Variants in WFS1 observed in about 807,000 individuals in gnomAD.
WFS1 encodes wolframin.
A neutral mutation model predicts 68.5 loss-of-function variants in WFS1; 90 were observed. That is an observed-to-expected ratio of 1.31 (90% CI 1.11 to 1.56). The LOEUF (loss-of-function observed/expected upper bound fraction) is 1.56, where lower values mean the gene tolerates loss of function less well. Ranked by LOEUF, WFS1 falls within the 40% of genes most tolerant of loss-of-function variation. The pLI, the probability that WFS1 is intolerant of heterozygous loss-of-function variation, is 0.00. For synonymous variants in WFS1, 860 were observed against 540.7 expected (o/e 1.59, Z -8.19); for missense variants, 1,767 against 1,232.6 (o/e 1.43, Z -6.49).
In WFS1 at chr4:6,277,654, C is replaced by G; in HGVS notation, c.199C>G (p.His67Asp). Residue 67 changes from histidine (H) to aspartate (D), a missense_variant, in exon 2 of 8, where the codon CAT (histidine) becomes GAT (aspartate). Transcript: ENST00000226760. ...GGCCCCCGCTGAACCCCAGGCCCAGCATACCAGGAGCCGGGAAAGAGCAGA... is the reference window on the plus strand; with the variant it reads ...GGCCCCCGCTGAACCCCAGGCCCAGGATACCAGGAGCCGGGAAAGAGCAGA... ...AAAPAEPQAQHTRSRERADGT... is the reference protein window; with the variant it reads ...AAAPAEPQAQDTRSRERADGT... The G allele has an allele frequency of 6.4e-7, 1 of 1,565,734 alleles. No homozygotes were observed. The highest frequency in any genetic ancestry group is 1.2e-5 in the South Asian group (1 of 85,170).
intron 7 of WFS1, among the ~76,000 whole-genome samples, chr4:6,298,581 TA>T (rs772741788): frequency 1.3e-5 from 2 of 149,988 alleles, no homozygotes; most frequent in African/African-American, 5.1e-5. Context: ...CACACACTCC[TA>T]AACACTTCCG....
intron 7 of WFS1, among the ~76,000 whole-genome samples, chr4:6,296,457 C>A (rs1401102720): frequency 6.6e-6 from 1 of 152,224 alleles, no homozygotes; most frequent in Non-Finnish European, 1.5e-5. Context: ...AGACATGGGC[C>A]AGGATGGCCA....
intron 6 of WFS1, among the ~76,000 whole-genome samples, chr4:6,293,601 T>G (rs901464993): frequency 3.9e-5 from 6 of 152,164 alleles, no homozygotes; most frequent in Non-Finnish European, 8.8e-5. Context: ...ATGACTGCTC[T>G]TCTCCTTAGA....
At chr4:6,284,966 G>T (rs1326126625) in intron 2 of WFS1, among the ~76,000 whole-genome samples, 3 of 151,378 alleles carry the variant, frequency 2.0e-5, no homozygotes, top group Non-Finnish European at 4.4e-5. Context: ...AAACCACGCT[G>T]GGGGGCTGGC....
chr4:6,289,991 T>C (rs1247531871), intron 4 of WFS1, among the ~76,000 whole-genome samples: 1 of 152,202 alleles, frequency 6.6e-6, no homozygotes, highest in South Asian at 2.1e-4. Context: ...CAGGCTAGAG[T>C]GCAGGGGTGC....
intron 3 of WFS1, among the ~76,000 whole-genome samples, chr4:6,288,182 G>A (rs561143164): frequency 9.7e-5 from 14 of 144,218 alleles, no homozygotes; most frequent in African/African-American, 3.4e-4. Flanking sequence ...GCACCACCAC[G>A]CTCCCAACTG....
chr4:6,302,857 A>C lies in WFS1; in HGVS notation c.*389A>C. ...TCTTTTGTGTTGGATTTGTTTAAAA[A>C]CCAAATAAGCATCTGTGTAACCTCC... On this transcript the variant is annotated 3_prime_UTR_variant, in exon 8 of 8. Coordinates refer to ENST00000226760, the MANE Select transcript of WFS1 (RefSeq NM_006005.3). 3.3e-6 allele frequency: 1 copy of C among 299,906 alleles called. No individual in the cohort carries two copies. The highest frequency in any genetic ancestry group is 6.3e-6 in the Non-Finnish European group (1 of 158,926). The allele number at this position is 299,906 out of a possible 1,614,324, so 18.6% of individuals were successfully genotyped here.
intron 7 of WFS1, among the ~76,000 whole-genome samples, chr4:6,296,529 C>A (rs1483451986): frequency 6.6e-6 from 1 of 152,222 alleles, no homozygotes; most frequent in South Asian, 2.1e-4. Flanking sequence ...TGGCCCTAGG[C>A]AAGCATATTC....
At chr4:6,294,742 G>C in intron 6 of WFS1, 1 of 429,188 alleles carries the variant, frequency 2.3e-6, no homozygotes, top group Non-Finnish European at 4.4e-6. Flanking sequence ...GAAAGGTGTG[G>C]GTGAGTGGCC....
At position 6,301,068 on chromosome 4, in the gene WFS1, G is replaced by C. The variant is rs138042354; in HGVS notation, c.1273G>C (p.Asp425His). 1 of 1,614,100 alleles carries C rather than the reference G, an allele frequency of 6.2e-7. No homozygotes were observed. Among genetic ancestry groups the C allele is most frequent in the South Asian group, 1.1e-5 (1 of 91,074 alleles). ...VIFSFPIASK[D>H]CIPCSELAVI... ...CTTCTCCTTCCCCATCGCCAGCAAG[G>C]ACTGCATCCCCTGCTCGGAGCTGGC... The change falls in exon 8 of 8, where the codon GAC (aspartate) becomes CAC (histidine). Residue 425 changes from aspartate to histidine, a missense_variant. Physicochemically the swap from Asp to His is moderately conservative, Grantham distance 81. Transcript: ENST00000226760.
At chr4:6,280,926 C>T (rs1011981645) in intron 2 of WFS1, among the ~76,000 whole-genome samples, 1 of 152,222 alleles carries the variant, frequency 6.6e-6, no homozygotes, top group East Asian at 1.9e-4. Flanking sequence ...ACTCTCATCT[C>T]TACAAGTCTC....
intron 1 of WFS1, among the ~76,000 whole-genome samples, chr4:6,271,419 G>C (rs1433869202): frequency 6.6e-6 from 1 of 152,184 alleles, no homozygotes; most frequent in South Asian, 2.1e-4. Flanking sequence ...CAGGCTTCTG[G>C]GGCTGGTCAC....
rs1314259239 is a variant in WFS1 at position 6,287,445 on chromosome 4, ACCT to A, written c.315+274_315+276del. 4.6e-5 allele frequency among the ~76,000 whole-genome samples: 7 copies of A among 151,756 alleles called. No homozygotes were observed. Among genetic ancestry groups the A allele is most frequent in the African/African-American group, 1.7e-4 (7 of 41,280 alleles). On this transcript the variant is annotated intron_variant, in intron 3 of 7. Coordinates refer to ENST00000226760, the MANE Select transcript of WFS1 (RefSeq NM_006005.3). This position sits in a 1 kb window ranked among gnomAD's most constrained non-coding sequence, Gnocchi z 6.4. ...CTTGGGCATCACCTCCTCCAGGATG[ACCT>A]CCTGGCTTCCTGCAGCTGCCTGCTC... is the stretch of plus-strand genomic sequence containing the variant.
Position 6,288,985 on chromosome 4 carries a change from A to G in WFS1, c.316-2A>G. The stretch of plus-strand genomic sequence containing the variant: ...GGAGGCTGACTGGTGTCTGGCTTGC[A>G]GGTGGGGAAGCACTACCTGCAGTTG... On this transcript the variant is annotated splice_acceptor_variant, in intron 3 of 7. Transcript: ENST00000226760. LOFTEE classifies it high-confidence loss of function. The G allele has an allele frequency of 1.2e-6, 2 of 1,607,886 alleles. No homozygotes were observed. The highest frequency in any genetic ancestry group is 1.7e-6 in the Non-Finnish European group (2 of 1,177,682).
At chr4:6,270,512 G>T (rs1239743397) in intron 1 of WFS1, among the ~76,000 whole-genome samples, 1 of 152,080 alleles carries the variant, frequency 6.6e-6, no homozygotes, top group African/African-American at 2.4e-5. Context: ...CGGCCCGCCC[G>T]AGGGGCAGCT....
At chr4:6,274,249 G>T (rs996264291) in intron 1 of WFS1, among the ~76,000 whole-genome samples, 1 of 151,716 alleles carries the variant, frequency 6.6e-6, no homozygotes, top group East Asian at 1.9e-4. Context: ...GGGTTTCACT[G>T]TGTTAGCCAG....
In WFS1 at chr4:6,291,993, C is replaced by T. The variant is rs760116566; in HGVS notation, c.708C>T (p.Ser236=). Residue 236 remains serine (S), a synonymous_variant, in exon 6 of 8, where the codon AGC becomes AGT. Transcript: ENST00000226760. ...QRRMLERLVS[S]ESKNYIALDD... is the part of the protein sequence containing the mutation. The stretch of plus-strand genomic sequence containing the variant: ...GCATGCTGGAGCGCCTGGTCAGCAG[C>T]GAGTGTGAGTGCAGCCCCTGCCCCG... 38 of 1,607,092 alleles carry T rather than the reference C, an allele frequency of 2.4e-5. No individual in the cohort carries two copies. Among genetic ancestry groups the T allele is most frequent in the Non-Finnish European group, 2.5e-5 (30 of 1,177,892 alleles).
chr4:6,274,281 T>C (rs1277131211), intron 1 of WFS1, among the ~76,000 whole-genome samples: 1 of 152,036 alleles, frequency 6.6e-6, no homozygotes, highest in Non-Finnish European at 1.5e-5. Flanking sequence ...TCTCCTGACC[T>C]TGTGATCTGC....
chr4:6,277,697 C>T lies in WFS1; in HGVS notation c.232+10C>T. 2 of 1,553,360 alleles carry T rather than the reference C, an allele frequency of 1.3e-6. No homozygotes were observed. The highest frequency in any genetic ancestry group is 2.4e-5 in the East Asian group (1 of 41,310). On this transcript the variant is annotated intron_variant, in intron 2 of 7. Transcript: ENST00000226760. The stretch of plus-strand genomic sequence containing the variant: ...AGAGCAGACGGCACCGGTAAGGGAG[C>T]AGGCTGGGAAGCCCAGGCTGGGGAT...
Sources: allele counts gnomAD v4.1 joint callset (sites outside exome capture counted in the v4.1 genomes callset), GRCh38; gene constraint gnomAD v4.1.1; non-coding constraint Gnocchi (gnomAD v3.1); transcripts MANE v1.5; gene names NCBI Gene and HGNC (gene_info 2026-07-23, HGNC 2026-07-21).